CRYBG3: variants seen among roughly 807,000 people sequenced by gnomAD.
The protein encoded by CRYBG3 is crystallin beta-gamma domain containing 3.
CRYBG3 carries 127 observed loss-of-function variants against 244.2 expected under a neutral mutation model. The observed-to-expected ratio is 0.52, with a 90% CI of 0.45 to 0.60. The LOEUF (loss-of-function observed/expected upper bound fraction) is 0.60, where lower values mean the gene tolerates loss of function less well. Among genes scored for constraint, CRYBG3 ranks in the 20% least tolerant of loss-of-function variants. The pLI is 0.00. For synonymous variants in CRYBG3, 1,132 were observed against 1,195.8 expected, an observed-to-expected ratio of 0.95 and a Z score of 1.10; for missense variants, 3,325 against 3,442.5, an observed-to-expected ratio of 0.97 and a Z score of 0.85.
At chr3:97,887,080 T>G (rs1408848632) in intron 8 of CRYBG3, among the ~76,000 whole-genome samples, 1 of 152,228 alleles carries the variant, frequency 6.6e-6, no homozygotes, top group African/African-American at 2.4e-5. Flanking sequence ...TTCTAGAGTG[T>G]CTAAGTTCTG....
intron 8 of CRYBG3, among the ~76,000 whole-genome samples, 176 bp downstream of exon 8, chr3:97,886,943 C>A (rs900542342): frequency 6.6e-6 from 1 of 152,154 alleles, no homozygotes; most frequent in African/African-American, 2.4e-5. Context: ...ATATGACTCA[C>A]AGGAGCAGGT....
Position 97,873,422 on chromosome 3 carries a change from A to G in CRYBG3, c.2228A>G (p.Gln743Arg), listed in dbSNP as rs1429936073. 1 of 1,534,998 alleles carries G rather than the reference A, an allele frequency of 6.5e-7. No homozygotes were observed. Among genetic ancestry groups the G allele is most frequent in the Non-Finnish European group, 8.7e-7 (1 of 1,146,592 alleles). ...KEVLSNSEKCQVLPGSEASGP... is the reference protein window; with the variant it reads ...KEVLSNSEKCRVLPGSEASGP... Reference sequence around the variant, plus strand: ...GTTCTTTCTAATAGTGAAAAATGCCAGGTTCTTCCAGGTTCTGAAGCCAGT... The same window carrying G: ...GTTCTTTCTAATAGTGAAAAATGCCGGGTTCTTCCAGGTTCTGAAGCCAGT... Residue 743 changes from glutamine to arginine, a missense_variant, in exon 4 of 22, where the codon CAG (glutamine) becomes CGG (arginine). Coordinates refer to ENST00000389622, the MANE Select transcript of CRYBG3 (RefSeq NM_153605.4).
intron 15 of CRYBG3, among the ~76,000 whole-genome samples, chr3:97,902,429 A>G (rs1365798485): frequency 6.6e-6 from 1 of 150,662 alleles, no homozygotes; most frequent in Admixed American, 6.6e-5. Context: ...TTTTAATTTT[A>G]TTTATTTTTT....
At chr3:97,841,952 G>A (rs1416924990) in intron 1 of CRYBG3, among the ~76,000 whole-genome samples, 2 of 152,112 alleles carry the variant, frequency 1.3e-5, no homozygotes, top group African/African-American at 4.8e-5. Flanking sequence ...ATTACCACCT[G>A]CTTTTGCACC....
chr3:97,884,671 A>G (rs1236896520), intron 7 of CRYBG3, among the ~76,000 whole-genome samples: 1 of 152,120 alleles, frequency 6.6e-6, no homozygotes, highest in Non-Finnish European at 1.5e-5. Flanking sequence ...TTTGTCCATC[A>G]AGAATTATAC....
intron 7 of CRYBG3, among the ~76,000 whole-genome samples, chr3:97,884,341 C>A (rs2039483866): frequency 6.6e-6 from 1 of 151,834 alleles, no homozygotes; most frequent in Non-Finnish European, 1.5e-5. Context: ...ACTATGTTTA[C>A]TGTGTATTTA....
At chr3:97,914,483 G>A (rs540273911) in intron 16 of CRYBG3, among the ~76,000 whole-genome samples, 1 of 152,214 alleles carries the variant, frequency 6.6e-6, no homozygotes, top group South Asian at 2.1e-4. Flanking sequence ...TACAACAGCA[G>A]GATAAAAGAA....
intron 7 of CRYBG3, among the ~76,000 whole-genome samples, chr3:97,882,107 G>T (rs1184399218): frequency 6.6e-6 from 1 of 151,974 alleles, no homozygotes; most frequent in Non-Finnish European, 1.5e-5. Context: ...TTCACAGGAG[G>T]CTGAGGCAGG....
intron 17 of CRYBG3, chr3:97,924,435 C>G (rs1430658704): frequency 6.7e-6 from 3 of 446,772 alleles, no homozygotes; most frequent in Non-Finnish European, 1.3e-5. Flanking sequence ...GTATTAGTGT[C>G]CTATTGCTGA....
In CRYBG3 at chr3:97,943,257, T is replaced by A; in HGVS notation, c.8856T>A (p.Ile2952=). 6.3e-7 allele frequency: 1 copy of A among 1,591,722 alleles called. No individual in the cohort carries two copies. Among genetic ancestry groups the A allele is most frequent in the Non-Finnish European group, 8.6e-7 (1 of 1,162,378 alleles). Residue 2952 remains isoleucine (I), a synonymous_variant, in exon 22 of 22, where the codon ATT becomes ATA. Transcript: ENST00000389622. ...GGNYCDKTHV[I]VNQPLEGEET... is the part of the protein sequence containing the mutation. ...ATTATTGTGACAAGACTCATGTAAT[T>A]GTAAATCAGCCCCTGGAGGGAGAAG...
At chr3:97,942,469 T>C (rs1454407882) in intron 21 of CRYBG3, 26 bp downstream of exon 21, 4 of 1,584,346 alleles carry the variant, frequency 2.5e-6, no homozygotes, top group Non-Finnish European at 3.4e-6. Flanking sequence ...TACCCAATGT[T>C]GTGTCCCTGG....
chr3:97,937,468 C>T (rs1488977151), intron 19 of CRYBG3, among the ~76,000 whole-genome samples: 3 of 152,062 alleles, frequency 2.0e-5, no homozygotes, highest in Admixed American at 1.3e-4. Flanking sequence ...ACATGGGCTG[C>T]ACCCTCTGTA....
Position 97,873,614 on chromosome 3 carries a change from C to G in CRYBG3, c.2420C>G (p.Ala807Gly). 1.3e-6 allele frequency: 2 copies of G among 1,534,254 alleles called. No homozygotes were observed. The highest frequency in any genetic ancestry group is 1.2e-5 in the South Asian group (1 of 83,652). ...AAGTCTGATTCTCTTTCCTTGGAAG[C>G]CAAAACTGCTAACATTGTATCAAAA... The part of the protein sequence containing the change: ...IEKSDSLSLE[A>G]KTANIVSKAE... Residue 807 changes from alanine (A) to glycine (G), a missense_variant, in exon 4 of 22, where the codon GCC (alanine) becomes GGC (glycine). This residue lies in a region of CRYBG3 where 1,526 missense variants were observed against 1,443.2 expected (regional missense o/e 1.06). Coordinates refer to ENST00000389622, the MANE Select transcript of CRYBG3 (RefSeq NM_153605.4).
intron 6 of CRYBG3, among the ~76,000 whole-genome samples, 176 bp from the exon 7 acceptor site, chr3:97,880,896 A>G (rs552055282): frequency 6.6e-6 from 1 of 152,158 alleles, no homozygotes; most frequent in Non-Finnish European, 1.5e-5. Flanking sequence ...TTTTTTCTTT[A>G]CTGTTCGCCT....
chr3:97,822,662 T>C (rs2038520678), intron 1 of CRYBG3, among the ~76,000 whole-genome samples: 1 of 152,134 alleles, frequency 6.6e-6, no homozygotes, highest in Non-Finnish European at 1.5e-5. Context: ...CGTGATTGGG[T>C]TCCCGTTCCA....
At chr3:97,927,400 C>T (rs1490347484) in intron 17 of CRYBG3, among the ~76,000 whole-genome samples, 3 of 151,950 alleles carry the variant, frequency 2.0e-5, no homozygotes, top group Non-Finnish European at 4.4e-5. Flanking sequence ...TTGCTTTCAC[C>T]ATTTGCAAAA....
chr3:97,882,179 G>C (rs1409461088), intron 7 of CRYBG3, among the ~76,000 whole-genome samples: 1 of 151,324 alleles, frequency 6.6e-6, no homozygotes, highest in African/African-American at 2.4e-5. Context: ...ACTGCACTCA[G>C]CCTGGGCGAC....
intron 11 of CRYBG3, among the ~76,000 whole-genome samples, chr3:97,895,265 AG>A (rs1378675086): frequency 6.6e-6 from 1 of 152,192 alleles, no homozygotes; most frequent in Admixed American, 6.5e-5. Flanking sequence ...GTTTATAAAA[AG>A]GTAAGTTTTA....
chr3:97,859,731 C>T (rs2039118867), intron 2 of CRYBG3, among the ~76,000 whole-genome samples: 1 of 152,148 alleles, frequency 6.6e-6, no homozygotes, highest in African/African-American at 2.4e-5. Flanking sequence ...TCTCTCCTTT[C>T]ACTTTACTGA....
Sources: gnomAD v4.1 joint callset for allele counts (sites outside exome capture counted in the v4.1 genomes callset) on GRCh38, gnomAD v4.1.1 for gene constraint, gnomAD v4.1.1 regional missense constraint, MANE v1.5 for transcripts, NCBI Gene and HGNC (gene_info 2026-07-23, HGNC 2026-07-21) for gene names.